FAM171A1: variants seen among roughly 807,000 people sequenced by gnomAD.
The protein encoded by FAM171A1 is protein FAM171A1.
In FAM171A1, 23 loss-of-function variants were observed where a neutral mutation model predicts 74.9. That is an observed-to-expected ratio of 0.31 (90% CI 0.22 to 0.44). The LOEUF (loss-of-function observed/expected upper bound fraction) is 0.44. Among genes scored for constraint, FAM171A1 ranks in the 20% least tolerant of loss-of-function variants. The pLI, the probability that FAM171A1 is intolerant of heterozygous loss-of-function variation, is 1.00. For synonymous variants in FAM171A1, 527 were observed against 505.7 expected (o/e 1.04, Z -0.57); for missense variants, 1,162 against 1,159.2 (o/e 1.00, Z -0.03).
intron 1 of FAM171A1, among the ~76,000 whole-genome samples, chr10:15,366,418 C>T (rs1418114506): frequency 6.6e-6 from 1 of 152,142 alleles, no homozygotes; most frequent in Non-Finnish European, 1.5e-5. Flanking sequence ...CTGTGCCTGG[C>T]CTGAAACTTA....
chr10:15,231,677 G>C (rs1435289042), intron 5 of FAM171A1, among the ~76,000 whole-genome samples: 2 of 152,068 alleles, frequency 1.3e-5, no homozygotes, highest in East Asian at 3.9e-4. Flanking sequence ...CCATGTGGCT[G>C]TAGCGGGTTC....
intron 1 of FAM171A1, among the ~76,000 whole-genome samples, chr10:15,295,145 C>T (rs960478834): frequency 6.6e-6 from 1 of 151,938 alleles, no homozygotes; most frequent in Non-Finnish European, 1.5e-5. Flanking sequence ...ACCATGTTGG[C>T]CAGACTGGTC....
At chr10:15,246,288 T>C (rs770123830) in intron 5 of FAM171A1, among the ~76,000 whole-genome samples, 12 of 152,180 alleles carry the variant, frequency 7.9e-5, no homozygotes, top group Non-Finnish European at 1.8e-4. Flanking sequence ...AATCAATGCA[T>C]TCCACACAAA....
intron 3 of FAM171A1, among the ~76,000 whole-genome samples, chr10:15,272,389 A>G (rs933508989): frequency 1.3e-5 from 2 of 152,226 alleles, no homozygotes; most frequent in African/African-American, 2.4e-5. Flanking sequence ...CCAGATTCAT[A>G]AAGCAAGCCT....
chr10:15,327,223 A>G (rs926289371), intron 1 of FAM171A1, among the ~76,000 whole-genome samples: 1 of 152,216 alleles, frequency 6.6e-6, no homozygotes, highest in African/African-American at 2.4e-5. Flanking sequence ...CTTGAGCAAG[A>G]GCAAGCTGCC....
At chr10:15,347,050 A>G (rs186523902) in intron 1 of FAM171A1, among the ~76,000 whole-genome samples, 3 of 152,184 alleles carry the variant, frequency 2.0e-5, no homozygotes, top group Admixed American at 2.0e-4. Context: ...AGACCTAGAC[A>G]TTTGTTAAAA....
In FAM171A1 at chr10:15,360,221, C is replaced by T. The variant is rs930103732; in HGVS notation, c.97+10735G>A. ...GTTTTGAGATTGTAGGTGTGAGCCA[C>T]CACACCTGGGCCCGATGCTTTGCTT... On this transcript the variant is annotated intron_variant, in intron 1 of 7. Coordinates refer to ENST00000378116, the MANE Select transcript of FAM171A1 (RefSeq NM_001010924.2). Among the ~76,000 whole-genome samples, 6 of 152,318 alleles carry T rather than the reference C, an allele frequency of 3.9e-5. No homozygotes were observed. In the South Asian group the frequency reaches 1.0e-3, roughly 26 times the overall value.
At chr10:15,248,885 A>T (rs974433004) in intron 4 of FAM171A1, 70 bp from the exon 5 acceptor site, 30 of 1,445,918 alleles carry the variant, frequency 2.1e-5, no homozygotes, top group Non-Finnish European at 2.6e-5. Context: ...AACCTTTGCA[A>T]AAAAATAGTC....
At chr10:15,352,091 T>TA in intron 1 of FAM171A1, among the ~76,000 whole-genome samples, 1 of 121,910 alleles carries the variant, frequency 8.2e-6, no homozygotes. Flanking sequence ...AAAAAAAAAA[T>TA]TAGCTGGGTG....
intron 5 of FAM171A1, among the ~76,000 whole-genome samples, chr10:15,235,884 C>G (rs1041743286): frequency 2.0e-5 from 3 of 152,130 alleles, no homozygotes; most frequent in African/African-American, 4.8e-5. Flanking sequence ...GAACCTTCAT[C>G]TCTCCCCAGT....
At chr10:15,313,473 T>C (rs1835387793) in intron 1 of FAM171A1, among the ~76,000 whole-genome samples, 1 of 152,186 alleles carries the variant, frequency 6.6e-6, no homozygotes, top group Non-Finnish European at 1.5e-5. Context: ...ATCTTCCTCC[T>C]AAAGAACCAG....
chr10:15,263,676 TATCTATCTATGCATCTATCAATC>T (rs1215736644), intron 3 of FAM171A1, among the ~76,000 whole-genome samples: 3 of 152,170 alleles, frequency 2.0e-5, no homozygotes, highest in African/African-American at 7.2e-5. Context: ...GCTGCTTGCC[TATCTATCTATGCATCTATCAATC>T]ATCTATCCAT....
chr10:15,263,048 G>A (rs1052247141), intron 3 of FAM171A1, among the ~76,000 whole-genome samples: 22 of 152,218 alleles, frequency 1.4e-4, no homozygotes, highest in Non-Finnish European at 2.5e-4. Flanking sequence ...GCTGCCCGGG[G>A]AACAGGAAAA....
At chr10:15,285,700 G>A (rs140249825) in intron 1 of FAM171A1, among the ~76,000 whole-genome samples, 26 of 152,304 alleles carry the variant, frequency 1.7e-4, no homozygotes, top group Middle Eastern at 6.8e-3. Context: ...TGCTTTTTGA[G>A]CTGCCTCTGA....
intron 1 of FAM171A1, among the ~76,000 whole-genome samples, chr10:15,318,534 C>T (rs745626142): frequency 6.6e-5 from 10 of 152,132 alleles, no homozygotes; most frequent in East Asian, 3.9e-4. Context: ...TTTTGGATCC[C>T]GGGTGACAGA....
At chr10:15,352,406 C>T (rs1240842275) in intron 1 of FAM171A1, among the ~76,000 whole-genome samples, 2 of 152,162 alleles carry the variant, frequency 1.3e-5, no homozygotes, top group Non-Finnish European at 2.9e-5. Context: ...ATTAATAAAA[C>T]GTTGTCTAAT....
At chr10:15,331,817 G>GTA (rs35924506) in intron 1 of FAM171A1, among the ~76,000 whole-genome samples, 4,400 of 93,576 alleles carry the variant, frequency 0.047, 108 homozygotes, top group Non-Finnish European at 0.077. Context: ...ATATATGTGG[G>GTA]TATATATATG....
intron 1 of FAM171A1, among the ~76,000 whole-genome samples, chr10:15,305,262 T>C (rs939805571): frequency 6.6e-6 from 1 of 152,166 alleles, no homozygotes; most frequent in Admixed American, 6.5e-5. Flanking sequence ...AAATTCTAGA[T>C]CACAGAAAAT....
At chr10:15,246,535 T>C (rs1834437394) in intron 5 of FAM171A1, among the ~76,000 whole-genome samples, 1 of 152,226 alleles carries the variant, frequency 6.6e-6, no homozygotes. Flanking sequence ...TGGTATTTTC[T>C]TTTTTCGAGA....
Sources: allele counts gnomAD v4.1 joint callset (sites outside exome capture counted in the v4.1 genomes callset), GRCh38; gene constraint gnomAD v4.1.1; transcripts MANE v1.5; gene names NCBI Gene and HGNC (gene_info 2026-07-23, HGNC 2026-07-21).